The following PLAG1 variants were observed in gnomAD, a reference collection of about 807,000 sequenced individuals.
PLAG1 encodes PLAG1 zinc finger, also known as zinc finger protein PLAG1.
In PLAG1, 7 loss-of-function variants were observed where a neutral mutation model predicts 35.5. The ratio of observed to expected loss-of-function variants is 0.20; its 90% CI spans 0.11 to 0.37. The LOEUF (loss-of-function observed/expected upper bound fraction) is 0.37. PLAG1 is among the 10% of genes least tolerant of loss of function. PLAG1 has a pLI of 1.00. For synonymous variants in PLAG1, 229 were observed against 225.4 expected (o/e 1.02, Z -0.14); for missense variants, 454 against 602.8 (o/e 0.75, Z 2.58).
At chr8:56,195,826 A>G (rs1812345496) in intron 1 of PLAG1, among the ~76,000 whole-genome samples, 1 of 152,140 alleles carries the variant, frequency 6.6e-6, no homozygotes, top group Admixed American at 6.5e-5. Context: ...GGTTGGTGAG[A>G]AGACAGAGCC....
intron 2 of PLAG1, among the ~76,000 whole-genome samples, chr8:56,178,382 AAAAAAAAATCCATAACCCCTAACACT>A (rs1563379616): frequency 6.8e-6 from 1 of 147,464 alleles, no homozygotes; most frequent in African/African-American, 2.7e-5. Flanking sequence ...TAGAAAAAGA[AAAAAAAAATCCATAACCCCTAACACT>A]AAAGATTTTT....
chr8:56,182,339 T>C (rs1811895727), intron 1 of PLAG1, among the ~76,000 whole-genome samples: 1 of 152,144 alleles, frequency 6.6e-6, no homozygotes, highest in African/African-American at 2.4e-5. Context: ...ACAATGATAG[T>C]TGTACAGCCA....
chr8:56,161,689 A>G lies in PLAG1; in HGVS notation c.*4554T>C, dbSNP rs948322117. 2 of 227,760 alleles carry G rather than the reference A, an allele frequency of 8.8e-6. No individual in the cohort carries two copies. The highest frequency in any genetic ancestry group is 4.4e-5 in the African/African-American group (2 of 45,034). 14.1% of individuals were successfully genotyped at this position (227,760 alleles called of 1,614,324 possible). On this transcript the variant is annotated 3_prime_UTR_variant, in exon 5 of 5. Transcript: ENST00000316981. ...AAATTAAGTCACAGTATAAAAATAT[A>G]TTGTACACTTTTACACCTAATGTAG... is the stretch of plus-strand genomic sequence containing the variant.
At position 56,166,640 on chromosome 8, in the gene PLAG1, G is replaced by T. The variant is rs192729464; in HGVS notation, c.1106C>A (p.Ser369Tyr). The T allele has an allele frequency of 1.4e-5, 23 of 1,614,088 alleles. No homozygotes were observed. Among genetic ancestry groups the T allele is most frequent in the Non-Finnish European group, 1.9e-5 (22 of 1,180,004 alleles). The change falls in exon 5 of 5, where the codon TCT (serine) becomes TAT (tyrosine). Residue 369 changes from serine to tyrosine, a missense_variant. Transcript: ENST00000316981. Reference sequence around the variant, plus strand: ...CGATGCTTGAGAATCTTGGGATGAAGAGGGCACGCCACCTTGTAACTCCAT... The same window carrying T: ...CGATGCTTGAGAATCTTGGGATGAATAGGGCACGCCACCTTGTAACTCCAT... ...YLMELQGGVP[S>Y]SSQDSQASSS...
intron 1 of PLAG1, among the ~76,000 whole-genome samples, chr8:56,195,947 C>T (rs1812349727): frequency 6.6e-6 from 1 of 152,170 alleles, no homozygotes; most frequent in South Asian, 2.1e-4. Flanking sequence ...ATCAAGATGA[C>T]AGACCTAGTC....
intron 1 of PLAG1, among the ~76,000 whole-genome samples, chr8:56,199,495 GA>G (rs1812486040): frequency 6.6e-6 from 1 of 152,206 alleles, no homozygotes; most frequent in Non-Finnish European, 1.5e-5. Flanking sequence ...AGGGAAGGGG[GA>G]TGATGAAGCC....
intron 1 of PLAG1, among the ~76,000 whole-genome samples, chr8:56,209,073 A>T (rs1356961819): frequency 2.0e-5 from 3 of 152,206 alleles, no homozygotes; most frequent in Non-Finnish European, 4.4e-5. Context: ...TCCTCAATGT[A>T]CCTTAAGCCA....
At chr8:56,169,440 C>T (rs996370198) in intron 3 of PLAG1, among the ~76,000 whole-genome samples, 4 of 152,206 alleles carry the variant, frequency 2.6e-5, no homozygotes, top group African/African-American at 4.8e-5. Flanking sequence ...AAAAATTCAT[C>T]GACAAAACAT....
At chr8:56,181,867 A>T (rs1188622304) in intron 1 of PLAG1, among the ~76,000 whole-genome samples, 1 of 152,266 alleles carries the variant, frequency 6.6e-6, no homozygotes, top group East Asian at 1.9e-4. Context: ...TCAGAAAAGG[A>T]AAAGAGTACT....
intron 1 of PLAG1, among the ~76,000 whole-genome samples, chr8:56,183,434 T>C (rs192938749): frequency 2.6e-4 from 40 of 152,298 alleles, no homozygotes; most frequent in Admixed American, 1.8e-3. Flanking sequence ...TTAAATCCTA[T>C]GGGAAAGAGC....
chr8:56,166,150 T>A lies in PLAG1; in HGVS notation c.*93A>T. The A allele has an allele frequency of 1.2e-6, 1 of 868,484 alleles. No homozygotes were observed. 53.8% of individuals were successfully genotyped at this position (868,484 alleles called of 1,614,324 possible). ...TTTGTATTATACAAAAGCAGAAATTTTTATACTGTTTTAAAGTAGGCACTA... is the reference window on the plus strand; with the variant it reads ...TTTGTATTATACAAAAGCAGAAATTATTATACTGTTTTAAAGTAGGCACTA... On this transcript the variant is annotated 3_prime_UTR_variant, in exon 5 of 5. Transcript: ENST00000316981.
chr8:56,180,935 T>C (rs981491061), intron 1 of PLAG1, among the ~76,000 whole-genome samples: 19 of 152,108 alleles, frequency 1.2e-4, no homozygotes, highest in African/African-American at 4.6e-4. Context: ...ATTTGAAACA[T>C]ATGAAATGTT....
At chr8:56,206,898 C>T (rs1408306460) in intron 1 of PLAG1, among the ~76,000 whole-genome samples, 1 of 151,932 alleles carries the variant, frequency 6.6e-6, no homozygotes, top group Non-Finnish European at 1.5e-5. Context: ...TTTTGTTGAA[C>T]AGATTCAGTT....
intron 1 of PLAG1, among the ~76,000 whole-genome samples, chr8:56,207,218 T>C (rs984144805): frequency 1.3e-5 from 2 of 151,952 alleles, no homozygotes; most frequent in African/African-American, 2.4e-5. Context: ...GAAACAAAAC[T>C]TCAAAGATAG....
rs2129224723 is a variant in PLAG1, at chr8:56,167,641, G to A, written c.243-138C>T. 7 of 638,314 alleles carry A rather than the reference G, an allele frequency of 1.1e-5. No individual in the cohort carries two copies. Among genetic ancestry groups the A allele is most frequent in the East Asian group, 8.2e-5 (3 of 36,582 alleles). The allele number at this position is 638,314 out of a possible 1,614,324, so 39.5% of individuals were successfully genotyped here. On this transcript the variant is annotated intron_variant, in intron 4 of 4. Transcript: ENST00000316981. The surrounding 1 kb of genome is among the most constrained non-coding windows in gnomAD (Gnocchi z 5.9). ...AACTGTTTAACTTAATATATACCAC[G>A]AGGATAGTTAATATACCTAATTACT...
chr8:56,198,334 A>G (rs1227862143), intron 1 of PLAG1, among the ~76,000 whole-genome samples: 1 of 152,174 alleles, frequency 6.6e-6, no homozygotes, highest in Admixed American at 6.5e-5. Context: ...CAGAGGGGTC[A>G]CCACAGCTGA....
At chr8:56,173,361 T>C (rs1811586718) in intron 2 of PLAG1, among the ~76,000 whole-genome samples, 1 of 152,128 alleles carries the variant, frequency 6.6e-6, no homozygotes, top group South Asian at 2.1e-4. Context: ...AAAGTTCTAC[T>C]AAATATCTCC....
At chr8:56,199,157 C>A (rs2129233674) in intron 1 of PLAG1, among the ~76,000 whole-genome samples, 1 of 152,158 alleles carries the variant, frequency 6.6e-6, no homozygotes, top group Admixed American at 6.5e-5. Flanking sequence ...CTGGGGAATG[C>A]CAAAATGCTG....
Position 56,161,243 on chromosome 8 carries a change from T to C in PLAG1, c.*5000A>G, listed in dbSNP as rs1811190321. On this transcript the variant is annotated 3_prime_UTR_variant, in exon 5 of 5. Transcript: ENST00000316981. ...ACGATATACATGATAAGCCACTTGATTTCCCAATATTACAGAATAGCAATT... is the reference window on the plus strand; with the variant it reads ...ACGATATACATGATAAGCCACTTGACTTCCCAATATTACAGAATAGCAATT... 1 of 201,732 alleles carries C rather than the reference T, an allele frequency of 5.0e-6. No homozygotes were observed. The highest frequency in any genetic ancestry group is 2.3e-5 in the African/African-American group (1 of 43,530). The allele number at this position is 201,732 out of a possible 1,614,324, so 12.5% of individuals were successfully genotyped here.
Sources: allele counts gnomAD v4.1 joint callset (sites outside exome capture counted in the v4.1 genomes callset), GRCh38; gene constraint gnomAD v4.1.1; non-coding constraint Gnocchi (gnomAD v3.1); transcripts MANE v1.5; gene names NCBI Gene and HGNC (gene_info 2026-07-23, HGNC 2026-07-21).